Variants in THSD7A observed in about 807,000 individuals in gnomAD.
The protein encoded by THSD7A is thrombospondin type 1 domain containing 7A.
In THSD7A, 96 loss-of-function variants were observed where a neutral mutation model predicts 231.3. The ratio of observed to expected loss-of-function variants is 0.41; its 90% CI spans 0.35 to 0.49. The LOEUF (loss-of-function observed/expected upper bound fraction) is 0.49. Among genes scored for constraint, THSD7A ranks in the 20% least tolerant of loss-of-function variants. THSD7A has a pLI of 0.05. For synonymous variants in THSD7A, 940 were observed against 743.3 expected (o/e 1.26, Z -4.30); for missense variants, 2,290 against 2,070.2 (o/e 1.11, Z -2.06).
chr7:11,751,438 T>A (rs2128164897), intron 1 of THSD7A: 1 of 152,136 alleles, frequency 6.6e-6, no homozygotes, highest in South Asian at 2.1e-4. Context: ...GTTGTTCTGG[T>A]TCCTGCATTC....
intron 4 of THSD7A, among the ~76,000 whole-genome samples, chr7:11,588,270 C>T (rs1779999963): frequency 6.6e-6 from 1 of 152,056 alleles, no homozygotes; most frequent in Non-Finnish European, 1.5e-5. Flanking sequence ...AGTATGTTTC[C>T]TATTGGGAAA....
At chr7:11,461,903 G>C (rs938123400) in intron 10 of THSD7A, 108 bp downstream of exon 10, 23 of 1,379,442 alleles carry the variant, frequency 1.7e-5, no homozygotes, top group East Asian at 9.3e-5. Context: ...CAACTCCATT[G>C]AGCCTGTGGA....
Position 11,573,307 on chromosome 7 carries a change from C to T in THSD7A, c.1453+17153G>A, listed in dbSNP as rs75493388. On this transcript the variant is annotated intron_variant, in intron 4 of 27. Coordinates refer to ENST00000423059, the MANE Select transcript of THSD7A (RefSeq NM_015204.3). ...GCCAAGGATTCATGGTGTATCCACA[C>T]TGAGACTCTTGGACTCTGTCCTTTC... Among the ~76,000 whole-genome samples the T allele has an allele frequency of 2.5e-3, 375 of 152,366 alleles. 1 individual carries two copies. The highest frequency in any genetic ancestry group is 8.7e-3 in the African/African-American group (360 of 41,582).
chr7:11,446,782 T>C lies in THSD7A; in HGVS notation c.2800+448A>G, dbSNP rs910764113. ...TGATGGATCCTAATCCTGCTCATTATATTCATGCTGTTAGTCATTACTATG... is the reference window on the plus strand; with the variant it reads ...TGATGGATCCTAATCCTGCTCATTACATTCATGCTGTTAGTCATTACTATG... On this transcript the variant is annotated intron_variant, in intron 12 of 27. Transcript: ENST00000423059. This position sits in a 1 kb window ranked among gnomAD's most constrained non-coding sequence, Gnocchi z 4.0. 6.6e-6 allele frequency among the ~76,000 whole-genome samples: 1 copy of C among 152,196 alleles called. No homozygotes were observed. The highest frequency in any genetic ancestry group is 1.5e-5 in the Non-Finnish European group (1 of 68,022).
intron 1 of THSD7A, among the ~76,000 whole-genome samples, chr7:11,767,059 G>C (rs1783052749): frequency 6.6e-6 from 1 of 152,166 alleles, no homozygotes; most frequent in African/African-American, 2.4e-5. Context: ...ATTTGGGAAA[G>C]TGTGTGGGTG....
intron 1 of THSD7A, among the ~76,000 whole-genome samples, chr7:11,830,173 C>A (rs1455853455): frequency 6.6e-6 from 1 of 152,146 alleles, no homozygotes; most frequent in Non-Finnish European, 1.5e-5. Context: ...GGCTTGTGTT[C>A]CTACCATGAC....
chr7:11,531,085 C>T (rs1317058165), intron 6 of THSD7A, among the ~76,000 whole-genome samples: 1 of 152,148 alleles, frequency 6.6e-6, no homozygotes, highest in African/African-American at 2.4e-5. Flanking sequence ...AATACCATAA[C>T]ACTAGTATAA....
chr7:11,547,275 T>C (rs907962549), intron 4 of THSD7A, among the ~76,000 whole-genome samples: 5 of 152,146 alleles, frequency 3.3e-5, no homozygotes, highest in African/African-American at 4.8e-5. Flanking sequence ...GCCAATATAA[T>C]GACAGAATAA....
chr7:11,661,645 A>T (rs1262878860), intron 1 of THSD7A, among the ~76,000 whole-genome samples: 3 of 151,278 alleles, frequency 2.0e-5, no homozygotes, highest in African/African-American at 7.3e-5. Context: ...TGATACAAAG[A>T]TTGAAAAAAA....
intron 6 of THSD7A, among the ~76,000 whole-genome samples, chr7:11,500,867 A>AG (rs1418916290): frequency 1.3e-5 from 2 of 151,762 alleles, no homozygotes; most frequent in African/African-American, 4.8e-5. Flanking sequence ...TCTGGGAGGC[A>AG]AAGTTGCACT....
At position 11,580,864 on chromosome 7, in the gene THSD7A, C is replaced by A. The variant is rs889324948; in HGVS notation, c.1453+9596G>T. 7.2e-5 allele frequency among the ~76,000 whole-genome samples: 11 copies of A among 152,034 alleles called. No homozygotes were observed. In the East Asian group the frequency reaches 7.7e-4, roughly 11 times the overall value. On this transcript the variant is annotated intron_variant, in intron 4 of 27. Transcript: ENST00000423059. ...CACAAGCTTACCTATGTAAATGAAC[C>A]TGCACTTGTATCCCTGAACTTAAAA... is the stretch of plus-strand genomic sequence containing the variant.
In THSD7A at chr7:11,802,124, A is replaced by T. The variant is rs1446647258; in HGVS notation, c.190+29633T>A. Among the ~76,000 whole-genome samples the T allele has an allele frequency of 3.3e-5, 5 of 152,142 alleles. No homozygotes were observed. In the East Asian group the frequency reaches 9.6e-4, roughly 29 times the overall value. ...AAATTTCCTGGTTTTAGAGTATGAG[A>T]AATTTTCAACTTAATTATTCCCTTG... On this transcript the variant is annotated intron_variant, in intron 1 of 27. Coordinates refer to ENST00000423059, the MANE Select transcript of THSD7A (RefSeq NM_015204.3).
At chr7:11,781,495 G>A (rs1362337771) in intron 1 of THSD7A, among the ~76,000 whole-genome samples, 1 of 151,968 alleles carries the variant, frequency 6.6e-6, no homozygotes, top group African/African-American at 2.4e-5. Context: ...GAAAGGGAAG[G>A]AAAAGTTATT....
At chr7:11,776,953 T>C (rs1783425403) in intron 1 of THSD7A, among the ~76,000 whole-genome samples, 1 of 152,208 alleles carries the variant, frequency 6.6e-6, no homozygotes, top group Non-Finnish European at 1.5e-5. Flanking sequence ...TTGCAGTTGA[T>C]TTAACATCAA....
intron 1 of THSD7A, among the ~76,000 whole-genome samples, chr7:11,661,096 A>G (rs1385564166): frequency 6.6e-6 from 1 of 151,330 alleles, no homozygotes; most frequent in Non-Finnish European, 1.5e-5. Context: ...TAATTGTTTC[A>G]GGAAGAAGTA....
intron 4 of THSD7A, among the ~76,000 whole-genome samples, chr7:11,547,165 G>A (rs1210385928): frequency 2.0e-5 from 3 of 152,030 alleles, no homozygotes; most frequent in Non-Finnish European, 2.9e-5. Context: ...TGCTAAACAT[G>A]GAAATGAAAG....
Position 11,375,889 on chromosome 7 carries a change from A to G in THSD7A, c.4890-11T>C. 4 of 1,611,426 alleles carry G rather than the reference A, an allele frequency of 2.5e-6. No homozygotes were observed. In the South Asian group the frequency reaches 3.3e-5, roughly 13 times the overall value. ...TTCTTTGGCTTTTTGCTGTAAAAAA[A>G]TTCGGAATTAGGAGAAAGAAAATCA... On this transcript the variant is annotated splice_polypyrimidine_tract_variant and intron_variant, in intron 27 of 27. Coordinates refer to ENST00000423059, the MANE Select transcript of THSD7A (RefSeq NM_015204.3).
intron 1 of THSD7A, among the ~76,000 whole-genome samples, chr7:11,785,196 T>C (rs553313746): frequency 3.9e-5 from 6 of 152,214 alleles, no homozygotes; most frequent in African/African-American, 1.4e-4. Flanking sequence ...GACTTTCAGG[T>C]CTTTTTAATT....
intron 1 of THSD7A, among the ~76,000 whole-genome samples, chr7:11,764,954 G>A (rs978048363): frequency 1.3e-5 from 2 of 152,072 alleles, no homozygotes; most frequent in African/African-American, 4.8e-5. Flanking sequence ...TTTAAAATCT[G>A]TAACAGTATA....
Sources: allele counts gnomAD v4.1 joint callset (sites outside exome capture counted in the v4.1 genomes callset), GRCh38; gene constraint gnomAD v4.1.1; non-coding constraint Gnocchi (gnomAD v3.1); transcripts MANE v1.5; gene names NCBI Gene and HGNC (gene_info 2026-07-23, HGNC 2026-07-21).